CTNNA2: variants seen among roughly 807,000 people sequenced by gnomAD.
CTNNA2 encodes catenin alpha 2, also known as catenin alpha-2.
CTNNA2 carries 42 observed loss-of-function variants against 101.0 expected under a neutral mutation model. The ratio of observed to expected loss-of-function variants is 0.42; its 90% CI spans 0.32 to 0.54. CTNNA2 has a LOEUF of 0.54. Among genes scored for constraint, CTNNA2 ranks in the 20% least tolerant of loss-of-function variants. The pLI is 0.14. For missense variants in CTNNA2, 871 were observed against 1,223.1 expected (o/e 0.71, Z 4.29); for synonymous variants, 450 against 456.4 (o/e 0.99, Z 0.18).
intron 7 of CTNNA2, among the ~76,000 whole-genome samples, chr2:80,185,846 A>T (rs1053877829): frequency 1.3e-5 from 2 of 152,194 alleles, no homozygotes; most frequent in Admixed American, 6.5e-5. Context: ...GGTTCTTTGC[A>T]TCTTATTAGA....
At chr2:79,896,246 G>C (rs564585033) in intron 6 of CTNNA2, among the ~76,000 whole-genome samples, 1 of 151,536 alleles carries the variant, frequency 6.6e-6, no homozygotes, top group East Asian at 2.0e-4. Flanking sequence ...TCGTGCCACT[G>C]TACTCCAGCC....
intron 8 of CTNNA2, among the ~76,000 whole-genome samples, chr2:80,408,857 T>A (rs1347125020): frequency 2.0e-5 from 3 of 152,164 alleles, no homozygotes; most frequent in African/African-American, 7.2e-5. Context: ...CCCGAACACC[T>A]GACTCTGGCA....
chr2:79,211,830 G>C (rs1388605922), intron 2 of CTNNA2, among the ~76,000 whole-genome samples: 1 of 152,138 alleles, frequency 6.6e-6, no homozygotes, highest in Non-Finnish European at 1.5e-5. Context: ...AACAATTTTG[G>C]GGGATGGTAT....
At position 79,424,029 on chromosome 2, in the gene CTNNA2, A is replaced by G. The variant is rs186736714; in HGVS notation, c.-135+50016A>G. 9.2e-4 allele frequency among the ~76,000 whole-genome samples: 140 copies of G among 151,760 alleles called. 5 individuals carry two copies. In the East Asian group the frequency reaches 0.023, roughly 25 times the overall value. The stretch of plus-strand genomic sequence containing the variant: ...ACTGCTTGTGATTTGTCCAAAAAAT[A>G]ATAAGTTGTTTCTCTAGCTTGTTAG... On this transcript the variant is annotated intron_variant, in intron 4 of 21. Coordinates refer to the CTNNA2 transcript ENST00000466387.
intron 3 of CTNNA2, among the ~76,000 whole-genome samples, chr2:79,841,572 G>T (rs1250912462): frequency 6.6e-6 from 1 of 152,120 alleles, no homozygotes; most frequent in Admixed American, 6.5e-5. Context: ...GTCTAAATTA[G>T]TGGGCACACG....
chr2:80,031,926 TA>T (rs533764983), intron 7 of CTNNA2, among the ~76,000 whole-genome samples: 2 of 152,210 alleles, frequency 1.3e-5, no homozygotes, highest in African/African-American at 4.8e-5. Flanking sequence ...TAATGGAATG[TA>T]AAAAAAGACG....
rs533584764 is a variant in CTNNA2 at position 79,605,885 on chromosome 2, C to T, written c.-5-45667C>T. Among the ~76,000 whole-genome samples the T allele has an allele frequency of 4.5e-4, 68 of 152,208 alleles. No individual in the cohort carries two copies. In the South Asian group the frequency reaches 0.011, roughly 25 times the overall value. On this transcript the variant is annotated intron_variant, in intron 1 of 18. Transcript: ENST00000402739. ...TCAAGGCTGCAAAGAGCTATGTTCACACCACTGCACTCTAGCCTGGGTGAC... is the reference window on the plus strand; with the variant it reads ...TCAAGGCTGCAAAGAGCTATGTTCATACCACTGCACTCTAGCCTGGGTGAC...
At chr2:79,197,318 C>G (rs1673974309) in intron 1 of CTNNA2, among the ~76,000 whole-genome samples, 1 of 152,152 alleles carries the variant, frequency 6.6e-6, no homozygotes, top group South Asian at 2.1e-4. Context: ...TAAGGGGAAG[C>G]TGGAGGGAGC....
intron 7 of CTNNA2, among the ~76,000 whole-genome samples, chr2:80,334,007 T>G (rs1671570688): frequency 1.3e-5 from 2 of 152,170 alleles, no homozygotes; most frequent in African/African-American, 4.8e-5. Context: ...TCAAAGGCAC[T>G]CTCCAGGGTT....
chr2:79,670,257 G>A (rs80332964), intron 2 of CTNNA2, among the ~76,000 whole-genome samples: 12,851 of 152,244 alleles, frequency 0.084, 668 homozygotes, highest in East Asian at 0.25. Flanking sequence ...AGCAGCTGCG[G>A]CTGCACATGG....
At chr2:79,595,503 G>T (rs539683258) in intron 1 of CTNNA2, among the ~76,000 whole-genome samples, 1 of 152,188 alleles carries the variant, frequency 6.6e-6, no homozygotes, top group Non-Finnish European at 1.5e-5. Context: ...TATTGCTTCT[G>T]TATTTCTATC....
intron 4 of CTNNA2, among the ~76,000 whole-genome samples, chr2:79,866,009 G>A (rs1423556509): frequency 6.6e-6 from 1 of 152,218 alleles, no homozygotes; most frequent in Admixed American, 6.5e-5. Context: ...GTGAGCCACC[G>A]CGGCCAGCCT....
At chr2:79,602,954 C>A (rs766103732) in intron 1 of CTNNA2, among the ~76,000 whole-genome samples, 1 of 152,052 alleles carries the variant, frequency 6.6e-6, no homozygotes, top group Non-Finnish European at 1.5e-5. Context: ...TGTGGTAAGA[C>A]GAATCTGAAG....
chr2:80,492,958 C>G (rs977689916), intron 9 of CTNNA2, among the ~76,000 whole-genome samples: 1 of 152,170 alleles, frequency 6.6e-6, no homozygotes, highest in Non-Finnish European at 1.5e-5. Context: ...GTCTTTCTCT[C>G]TCAGTAGGTT....
intron 2 of CTNNA2, among the ~76,000 whole-genome samples, chr2:79,696,761 T>C (rs566249035): frequency 1.3e-5 from 2 of 152,142 alleles, no homozygotes; most frequent in African/African-American, 4.8e-5. Flanking sequence ...TTTGCAGCCT[T>C]ATTTGAATCA....
intron 7 of CTNNA2, among the ~76,000 whole-genome samples, chr2:80,222,334 C>CAT (rs10629188): frequency 0.23 from 35,510 of 152,042 alleles, 6,491 homozygotes; most frequent in African/African-American, 0.51. Context: ...ATATCTTTAT[C>CAT]TTATCACTTA....
chr2:79,609,451 G>T lies in CTNNA2; in HGVS notation c.-5-42101G>T, dbSNP rs111423678. Among the ~76,000 whole-genome samples the T allele has an allele frequency of 0.012, 1,753 of 152,110 alleles. 74 individuals are homozygous for T. The East Asian group carries it at 0.12, about 10-fold the overall frequency. ...TTGGCAAAAATTGACAAGCTCATTT[G>T]ATAATTTACATGGAAATTCCAAGGA... On this transcript the variant is annotated intron_variant, in intron 1 of 18. Transcript: ENST00000402739.
At chr2:79,200,797 C>T (rs1674023994) in intron 2 of CTNNA2, among the ~76,000 whole-genome samples, 1 of 151,966 alleles carries the variant, frequency 6.6e-6, no homozygotes, top group East Asian at 1.9e-4. Flanking sequence ...TTGCATTAAG[C>T]TAATCCATTG....
intron 2 of CTNNA2, among the ~76,000 whole-genome samples, chr2:79,695,144 C>T (rs534915139): frequency 4.6e-5 from 7 of 151,472 alleles, no homozygotes; most frequent in African/African-American, 1.7e-4. Context: ...AACTGCTAAG[C>T]TCCATTCCAT....
Sources: gnomAD v4.1 joint callset for allele counts (sites outside exome capture counted in the v4.1 genomes callset) on GRCh38, gnomAD v4.1.1 for gene constraint, MANE v1.5 for transcripts, NCBI Gene and HGNC (gene_info 2026-07-23, HGNC 2026-07-21) for gene names.